Variants in ATP8A2 observed in about 807,000 individuals in gnomAD.
ATP8A2 encodes ATPase phospholipid transporting 8A2.
Under a neutral mutation model 165.6 loss-of-function variants are expected in ATP8A2, and 100 were observed. That is an observed-to-expected ratio of 0.60 (90% CI 0.51 to 0.71). ATP8A2 has a LOEUF of 0.71. Among genes scored for constraint, ATP8A2 ranks in the 30% least tolerant of loss-of-function variants. The pLI is 0.00. For missense variants in ATP8A2, 1,227 were observed against 1,479.5 expected (o/e 0.83, Z 2.80); for synonymous variants, 543 against 548.8 (o/e 0.99, Z 0.15).
At chr13:25,550,733 G>C (rs2038794693) in intron 10 of ATP8A2, among the ~76,000 whole-genome samples, 1 of 152,076 alleles carries the variant, frequency 6.6e-6, no homozygotes, top group Non-Finnish European at 1.5e-5. Context: ...GACTCTTCTT[G>C]GTCCTGCTTC....
chr13:25,982,266 C>CT (rs945735633), intron 35 of ATP8A2, among the ~76,000 whole-genome samples: 2 of 152,214 alleles, frequency 1.3e-5, no homozygotes, highest in African/African-American at 2.4e-5. Context: ...AAGCTATCAT[C>CT]TTTTCACCAT....
intron 33 of ATP8A2, among the ~76,000 whole-genome samples, chr13:25,869,459 A>T (rs1269921498): frequency 6.6e-6 from 1 of 152,172 alleles, no homozygotes; most frequent in Non-Finnish European, 1.5e-5. Flanking sequence ...ATTTAGTGCA[A>T]ATTGTAACTG....
At chr13:25,464,364 T>C (rs1487891779) in intron 1 of ATP8A2, among the ~76,000 whole-genome samples, 10 of 149,326 alleles carry the variant, frequency 6.7e-5, no homozygotes, top group Non-Finnish European at 1.5e-5. Flanking sequence ...TGGTGGCTCA[T>C]GGAACCCAAA....
chr13:25,728,324 T>C (rs1424408485), intron 25 of ATP8A2, among the ~76,000 whole-genome samples: 1 of 152,172 alleles, frequency 6.6e-6, no homozygotes, highest in African/African-American at 2.4e-5. Flanking sequence ...TCAGGAGTTT[T>C]CTCATGGGTG....
At chr13:25,901,580 CT>C (rs1193284618) in intron 33 of ATP8A2, among the ~76,000 whole-genome samples, 1 of 152,032 alleles carries the variant, frequency 6.6e-6, no homozygotes, top group Non-Finnish European at 1.5e-5. Context: ...TTTTAATTAT[CT>C]ATTTGTTTTT....
At chr13:25,491,967 A>G (rs2036540334) in intron 2 of ATP8A2, among the ~76,000 whole-genome samples, 1 of 152,204 alleles carries the variant, frequency 6.6e-6, no homozygotes, top group Non-Finnish European at 1.5e-5. Flanking sequence ...TAGATATAAA[A>G]ACCATTGAAT....
At chr13:25,554,179 C>T (rs894423690) in intron 12 of ATP8A2, among the ~76,000 whole-genome samples, 3 of 152,172 alleles carry the variant, frequency 2.0e-5, no homozygotes, top group Non-Finnish European at 4.4e-5. Flanking sequence ...TGCCTGTCAT[C>T]TGGCTGCACC....
At chr13:25,490,133 CACATGT>C (rs1455585608) in intron 2 of ATP8A2, among the ~76,000 whole-genome samples, 1 of 152,218 alleles carries the variant, frequency 6.6e-6, no homozygotes, top group African/African-American at 2.4e-5. Flanking sequence ...GTAGAGAACA[CACATGT>C]TGAATGATCC....
intron 2 of ATP8A2, chr13:25,517,067 CA>C (rs2037499513): frequency 6.7e-6 from 1 of 150,246 alleles, no homozygotes; most frequent in African/African-American, 2.5e-5. Flanking sequence ...AGGCATGAGC[CA>C]CCGTGCCTGG....
intron 25 of ATP8A2, among the ~76,000 whole-genome samples, chr13:25,724,395 A>G (rs556215245): frequency 6.6e-6 from 1 of 152,206 alleles, no homozygotes; most frequent in African/African-American, 2.4e-5. Flanking sequence ...GTGAACAGGC[A>G]GGGAGAGGCT....
At chr13:25,929,992 T>C (rs1440509663) in intron 33 of ATP8A2, among the ~76,000 whole-genome samples, 2 of 152,166 alleles carry the variant, frequency 1.3e-5, no homozygotes, top group East Asian at 1.9e-4. Flanking sequence ...CTCCAGCTTG[T>C]AGGTAGGGCA....
chr13:25,532,115 G>C (rs768846066), intron 4 of ATP8A2, among the ~76,000 whole-genome samples, 157 bp from the exon 5 acceptor site: 1 of 152,216 alleles, frequency 6.6e-6, no homozygotes, highest in Non-Finnish European at 1.5e-5. Flanking sequence ...AGGGAGTGCT[G>C]ATAGATCACA....
At position 25,699,360 on chromosome 13, in the gene ATP8A2, G is replaced by T. The variant is rs1156644280; in HGVS notation, c.2384+15G>T. 6.3e-7 allele frequency: 1 copy of T among 1,589,656 alleles called. No individual in the cohort carries two copies. Among genetic ancestry groups the T allele is most frequent in the East Asian group, 2.3e-5 (1 of 44,408 alleles). Reference sequence around the variant, plus strand: ...ATATGCTGCAGGTAGGAACCTGCAGGCTGTGCACAGTTCACACTCTGCTGT... The same window carrying T: ...ATATGCTGCAGGTAGGAACCTGCAGTCTGTGCACAGTTCACACTCTGCTGT... On this transcript the variant is annotated intron_variant, in intron 25 of 36. Coordinates refer to ENST00000381655, the MANE Select transcript of ATP8A2 (RefSeq NM_016529.6).
At chr13:25,729,408 T>G (rs937036864) in intron 25 of ATP8A2, among the ~76,000 whole-genome samples, 1 of 152,328 alleles carries the variant, frequency 6.6e-6, no homozygotes, top group South Asian at 2.1e-4. Flanking sequence ...TGGCACATAT[T>G]TTCGTATGTT....
chr13:25,448,515 GTGTCATATTTTATAACATGTTT>G (rs2035129023), intron 1 of ATP8A2, among the ~76,000 whole-genome samples: 1 of 152,152 alleles, frequency 6.6e-6, no homozygotes, highest in South Asian at 2.1e-4. Flanking sequence ...GGGGGAAATG[GTGTCATATTTTATAACATGTTT>G]TGTCTACGGT....
intron 35 of ATP8A2, among the ~76,000 whole-genome samples, chr13:26,011,086 C>T (rs7326702): frequency 0.011 from 1,734 of 152,256 alleles, 31 homozygotes; most frequent in African/African-American, 0.038. Context: ...GATTCAAGCA[C>T]CTGCAGCTTC....
chr13:25,895,461 C>T (rs574977350), intron 33 of ATP8A2, among the ~76,000 whole-genome samples: 49 of 152,310 alleles, frequency 3.2e-4, no homozygotes, highest in African/African-American at 1.1e-3. Flanking sequence ...ATTTTTGCAT[C>T]AATGTTCATC....
intron 1 of ATP8A2, among the ~76,000 whole-genome samples, chr13:25,400,825 G>A (rs761174503): frequency 1.3e-5 from 2 of 152,204 alleles, no homozygotes; most frequent in Non-Finnish European, 2.9e-5. Context: ...TTGTGGGAAA[G>A]GGTCTGAGAA....
At chr13:25,862,833 G>A (rs1952397405) in intron 33 of ATP8A2, among the ~76,000 whole-genome samples, 1 of 152,230 alleles carries the variant, frequency 6.6e-6, no homozygotes, top group South Asian at 2.1e-4. Context: ...ACCTGTGACA[G>A]ATGAATCTAA....
Sources: gnomAD v4.1 joint callset for allele counts (sites outside exome capture counted in the v4.1 genomes callset) on GRCh38, gnomAD v4.1.1 for gene constraint, MANE v1.5 for transcripts, NCBI Gene and HGNC (gene_info 2026-07-23, HGNC 2026-07-21) for gene names.